GTF3C1: variants seen among roughly 807,000 people sequenced by gnomAD.
GTF3C1 encodes the protein general transcription factor 3C polypeptide 1.
GTF3C1 carries 57 observed loss-of-function variants against 226.7 expected under a neutral mutation model. That is an observed-to-expected ratio of 0.25 (90% CI 0.20 to 0.31). GTF3C1 has a LOEUF of 0.31. Ranked by LOEUF, GTF3C1 falls within the 10% of genes least tolerant of loss-of-function variation. The probability of loss-of-function intolerance (pLI) is 1.00; values close to 1 mark genes in which losing one functional copy is unlikely to be tolerated. For synonymous variants in GTF3C1, 1,090 were observed against 1,084.8 expected, an observed-to-expected ratio of 1.00 and a Z score of -0.09; for missense variants, 2,217 against 2,776.1, an observed-to-expected ratio of 0.80 and a Z score of 4.53.
chr16:27,502,570 A>C (rs2088422387), intron 11 of GTF3C1, among the ~76,000 whole-genome samples: 1 of 152,160 alleles, frequency 6.6e-6, no homozygotes, highest in South Asian at 2.1e-4. Flanking sequence ...GAAAAGCTGA[A>C]CGCACTTTCC....
Position 27,470,044 on chromosome 16 carries a change from C to T in GTF3C1, c.4814+64G>A, listed in dbSNP as rs988588792. The T allele has an allele frequency of 1.2e-4, 165 of 1,346,878 alleles. No individual in the cohort carries two copies. Among genetic ancestry groups the T allele is most frequent in the East Asian group, 1.6e-4 (7 of 43,496 alleles). The allele number at this position is 1,346,878 out of a possible 1,614,324, so 83.4% of individuals were successfully genotyped here. On this transcript the variant is annotated intron_variant, in intron 31 of 36. Coordinates refer to ENST00000356183, the MANE Select transcript of GTF3C1 (RefSeq NM_001520.4). This position sits in a 1 kb window ranked among gnomAD's most constrained non-coding sequence, Gnocchi z 4.9. Reference sequence around the variant, plus strand: ...CCAGAAGGCACTGCTGACCCCTGCCCGTCTGTATCTGGCCAATGCCTAGCA... The same window carrying T: ...CCAGAAGGCACTGCTGACCCCTGCCTGTCTGTATCTGGCCAATGCCTAGCA...
intron 23 of GTF3C1, among the ~76,000 whole-genome samples, chr16:27,486,775 C>G (rs1466153305): frequency 1.3e-5 from 2 of 152,252 alleles, no homozygotes; most frequent in African/African-American, 2.4e-5. Flanking sequence ...AGTCTAGCAT[C>G]AGGGAATATT....
At chr16:27,478,613 T>G in intron 27 of GTF3C1, 82 bp from the exon 28 acceptor site, 1 of 921,764 alleles carries the variant, frequency 1.1e-6, no homozygotes, top group Non-Finnish European at 1.8e-6. Context: ...AGATGGCCAT[T>G]TATTGGCTAA....
chr16:27,469,480 T>C lies in GTF3C1; in HGVS notation c.4885A>G (p.Lys1629Glu), dbSNP rs2087833849. Reference sequence around the variant, plus strand: ...GGTTTCACCTCCATGCTCCGGCGCTTGCCCCCTACACCTTCGTCCAAGTCA... The same window carrying C: ...GGTTTCACCTCCATGCTCCGGCGCTCGCCCCCTACACCTTCGTCCAAGTCA... The part of the protein sequence containing the change: ...EDDLDEGVGG[K>E]RRSMEVKPAQ... The change falls in exon 32 of 37, where the codon AAG becomes GAG. Residue 1629 changes from lysine to glutamate, a missense_variant. Physicochemically the swap from Lys to Glu is moderately conservative, Grantham distance 56. Around this residue, in one of 12 missense-constraint regions of GTF3C1, gnomAD observed 546 missense variants for 663.0 expected, o/e 0.82. Coordinates refer to ENST00000356183, the MANE Select transcript of GTF3C1 (RefSeq NM_001520.4). This position sits in a 1 kb window ranked among gnomAD's most constrained non-coding sequence, Gnocchi z 4.5. 3.1e-6 allele frequency: 5 copies of C among 1,614,190 alleles called. No individual in the cohort carries two copies. The highest frequency in any genetic ancestry group is 4.2e-6 in the Non-Finnish European group (5 of 1,180,012).
chr16:27,492,597 T>C lies in GTF3C1; in HGVS notation c.2973+20A>G. 1 of 1,564,488 alleles carries C rather than the reference T, an allele frequency of 6.4e-7. No individual in the cohort carries two copies. The highest frequency in any genetic ancestry group is 8.8e-7 in the Non-Finnish European group (1 of 1,134,748). On this transcript the variant is annotated intron_variant, in intron 18 of 36. Coordinates refer to ENST00000356183, the MANE Select transcript of GTF3C1 (RefSeq NM_001520.4). This position sits in a 1 kb window ranked among gnomAD's most constrained non-coding sequence, Gnocchi z 5.0. The stretch of plus-strand genomic sequence containing the variant: ...GTTTAACAATCAGAATTTCCTTCGT[T>C]TGGGCTTGAGGGACATTACCTGATC...
At chr16:27,549,470 C>A (rs1251170942) in intron 1 of GTF3C1, among the ~76,000 whole-genome samples, 200 bp downstream of exon 1, 2 of 152,170 alleles carry the variant, frequency 1.3e-5, no homozygotes, top group Admixed American at 6.5e-5. Context: ...TCTCCCCCTC[C>A]CCCCGCCAAC....
Position 27,492,255 on chromosome 16 carries a change from T to C in GTF3C1, c.3151+83A>G. 2.4e-6 allele frequency: 2 copies of C among 832,180 alleles called. No homozygotes were observed. Among genetic ancestry groups the C allele is most frequent in the Non-Finnish European group, 3.9e-6 (2 of 506,554 alleles). The allele number at this position is 832,180 out of a possible 1,614,324, so 51.5% of individuals were successfully genotyped here. ...ACATACCACTGGTTGAGGCAACTCC[T>C]AGGCTTTTCTAGCCCTAAATCCCAG... On this transcript the variant is annotated intron_variant, in intron 19 of 36. Transcript: ENST00000356183. This position sits in a 1 kb window ranked among gnomAD's most constrained non-coding sequence, Gnocchi z 5.0.
At chr16:27,495,847 G>C (rs1301654477) in intron 14 of GTF3C1, among the ~76,000 whole-genome samples, 1 of 152,204 alleles carries the variant, frequency 6.6e-6, no homozygotes, top group Non-Finnish European at 1.5e-5. Context: ...AATGCAAGGG[G>C]CCTGAGGTGG....
rs184161257 is a variant in GTF3C1, at chr16:27,470,505, C to T, written c.4527-110G>A. The T allele has an allele frequency of 8.1e-5, 66 of 814,960 alleles. No homozygotes were observed. The African/African-American group carries it at 9.9e-4, about 12-fold the overall frequency. 50.5% of individuals were successfully genotyped at this position (814,960 alleles called of 1,614,324 possible). On this transcript the variant is annotated intron_variant, in intron 30 of 36. Coordinates refer to ENST00000356183, the MANE Select transcript of GTF3C1 (RefSeq NM_001520.4). The surrounding 1 kb of genome is among the most constrained non-coding windows in gnomAD (Gnocchi z 4.9). ...ATTATGGTGAGAACTAAGCAAAACG[C>T]CCCACTTCTTCCCTAAAGCTCTCTG...
intron 27 of GTF3C1, 167 bp from the exon 28 acceptor site, chr16:27,478,698 C>G: frequency 1.6e-6 from 1 of 637,618 alleles, no homozygotes; most frequent in South Asian, 1.8e-5. Flanking sequence ...TGAGAATATA[C>G]CCTGTCCTGC....
intron 7 of GTF3C1, 137 bp downstream of exon 7, chr16:27,511,612 A>T: frequency 1.1e-6 from 1 of 869,980 alleles, no homozygotes; most frequent in Admixed American, 2.7e-5. Context: ...TGAAGCCTAA[A>T]CCCTTCTGGG....
chr16:27,532,915 T>C (rs1370827455), intron 5 of GTF3C1, among the ~76,000 whole-genome samples: 1 of 152,102 alleles, frequency 6.6e-6, no homozygotes, highest in East Asian at 1.9e-4. Flanking sequence ...AGAAGGATAC[T>C]TGAGGTCAGG....
intron 6 of GTF3C1, among the ~76,000 whole-genome samples, chr16:27,517,788 G>T (rs1257826715): frequency 6.6e-6 from 1 of 152,192 alleles, no homozygotes; most frequent in South Asian, 2.1e-4. Flanking sequence ...TACTCATCAC[G>T]TGGCTTCTGC....
At chr16:27,530,455 C>A (rs1240988523) in intron 5 of GTF3C1, among the ~76,000 whole-genome samples, 1 of 152,148 alleles carries the variant, frequency 6.6e-6, no homozygotes, top group Non-Finnish European at 1.5e-5. Context: ...ACGACGTGCA[C>A]AATCTGGCCA....
At position 27,463,597 on chromosome 16, in the gene GTF3C1, G is replaced by A. The variant is rs1315160368; in HGVS notation, c.5873-5C>T. ...CTCCGAAACTCTCTGTGAACCCTGA[G>A]GGAAGAGGAAGAGAATGTGAGAGAC... On this transcript the variant is annotated splice_polypyrimidine_tract_variant and splice_region_variant and intron_variant, in intron 34 of 36. Coordinates refer to ENST00000356183, the MANE Select transcript of GTF3C1 (RefSeq NM_001520.4). The surrounding 1 kb of genome is among the most constrained non-coding windows in gnomAD (Gnocchi z 4.9). 6.4e-7 allele frequency: 1 copy of A among 1,573,912 alleles called. No individual in the cohort carries two copies. Among genetic ancestry groups the A allele is most frequent in the Non-Finnish European group, 8.7e-7 (1 of 1,143,070 alleles).
At chr16:27,508,403 C>A in intron 8 of GTF3C1, 137 bp downstream of exon 8, 1 of 645,570 alleles carries the variant, frequency 1.5e-6, no homozygotes, top group Non-Finnish European at 2.8e-6. Context: ...ATGGACTGCA[C>A]TCAGCCCTGG....
chr16:27,503,114 G>A (rs2088432405), intron 10 of GTF3C1, 119 bp from the exon 11 acceptor site: 1 of 681,020 alleles, frequency 1.5e-6, no homozygotes. Context: ...CTTTCAAGAA[G>A]GGAAGCCAAG....
chr16:27,484,346 C>T lies in GTF3C1; in HGVS notation c.3866G>A (p.Gly1289Asp), dbSNP rs773689831. 10 of 1,607,238 alleles carry T rather than the reference C, an allele frequency of 6.2e-6. No homozygotes were observed. The highest frequency in any genetic ancestry group is 7.7e-6 in the Non-Finnish European group (9 of 1,173,946). Residue 1289 changes from glycine (G) to aspartate (D), a missense_variant, in exon 25 of 37, where the codon GGC becomes GAC. Physicochemically the swap from Gly to Asp is moderately conservative, Grantham distance 94. This residue lies in a region of GTF3C1 where 546 missense variants were observed against 663.0 expected (regional missense o/e 0.82). Transcript: ENST00000356183. ...ASNVLNTKVK[G>D]PFVTWQVVRD... ...TACCACCTGCCAGGTGACAAATGGGCCCTTCACCTGGATCAAACACAGAGC... is the reference window on the plus strand; with the variant it reads ...TACCACCTGCCAGGTGACAAATGGGTCCTTCACCTGGATCAAACACAGAGC...
chr16:27,545,508 A>G lies in GTF3C1; in HGVS notation c.237T>C (p.Asp79=), dbSNP rs1487789916. ...LQLQDRYEEI[D]LETGILESRR... is the part of the protein sequence containing the mutation. ...TAGACTCCAAAATTCCAGTTTCCAA[A>G]TCAATTTCTTCATACCTAAGGAGAA... Residue 79 remains aspartate, a synonymous_variant, in exon 2 of 37, where the codon GAT becomes GAC. Transcript: ENST00000356183. 3 of 1,602,922 alleles carry G rather than the reference A, an allele frequency of 1.9e-6. No individual in the cohort carries two copies. The highest frequency in any genetic ancestry group is 2.6e-6 in the Non-Finnish European group (3 of 1,169,882).
Sources: gnomAD v4.1 joint callset for allele counts (sites outside exome capture counted in the v4.1 genomes callset) on GRCh38, gnomAD v4.1.1 for gene constraint, gnomAD v4.1.1 regional missense constraint, Gnocchi (gnomAD v3.1) non-coding constraint, MANE v1.5 for transcripts, NCBI Gene and HGNC (gene_info 2026-07-23, HGNC 2026-07-21) for gene names.